RPIA: variants seen among roughly 807,000 people sequenced by gnomAD.
RPIA encodes the protein ribose-5-phosphate isomerase.
A neutral mutation model predicts 37.8 loss-of-function variants in RPIA; 29 were observed. The ratio of observed to expected loss-of-function variants is 0.77; its 90% CI spans 0.57 to 1.05. RPIA has a LOEUF of 1.05. RPIA is among the 50% of genes least tolerant of loss of function. RPIA has a pLI of 0.00. For missense variants in RPIA, 385 were observed against 413.6 expected (o/e 0.93, Z 0.60); for synonymous variants, 167 against 157.0 (o/e 1.06, Z -0.48).
intron 3 of RPIA, among the ~76,000 whole-genome samples, chr2:88,712,009 A>G (rs1233899551): frequency 1.3e-5 from 2 of 152,150 alleles, no homozygotes; most frequent in Non-Finnish European, 2.9e-5. Context: ...TTTAATGTTA[A>G]TGCTTGTCAG....
At chr2:88,746,305 A>G (rs1207228222) in intron 8 of RPIA, among the ~76,000 whole-genome samples, 1 of 152,164 alleles carries the variant, frequency 6.6e-6, no homozygotes, top group African/African-American at 2.4e-5. Context: ...CTGGAGAGCT[A>G]GTGTGATCTT....
At chr2:88,721,562 CACA>C (rs1673129295) in intron 3 of RPIA, among the ~76,000 whole-genome samples, 1 of 70,572 alleles carries the variant, frequency 1.4e-5, no homozygotes, top group Non-Finnish European at 2.9e-5. Flanking sequence ...CACACACACA[CACA>C]CACACACCCC....
chr2:88,713,631 C>T (rs1672992289), intron 3 of RPIA, among the ~76,000 whole-genome samples: 1 of 152,216 alleles, frequency 6.6e-6, no homozygotes, highest in South Asian at 2.1e-4. Context: ...GACAGCTCAT[C>T]ATGCGTATTC....
chr2:88,750,402 A>G lies in RPIA; in HGVS notation c.*324A>G. The G allele has an allele frequency of 2.4e-6, 1 of 418,980 alleles. No individual in the cohort carries two copies. Among genetic ancestry groups the G allele is most frequent in the Non-Finnish European group, 4.2e-6 (1 of 237,882 alleles). The allele number at this position is 418,980 out of a possible 1,614,324, so 26.0% of individuals were successfully genotyped here. ...AACTGTATTTAAAACCTTTGACTTG[A>G]GTCTGCTGGTAAAGCTTCTGAATAT... On this transcript the variant is annotated 3_prime_UTR_variant, in exon 9 of 9. Transcript: ENST00000283646.
At chr2:88,746,066 T>C (rs1673434345) in intron 8 of RPIA, among the ~76,000 whole-genome samples, 1 of 152,060 alleles carries the variant, frequency 6.6e-6, no homozygotes, top group African/African-American at 2.4e-5. Context: ...CTACTCGTTC[T>C]AATCTGTTGT....
At chr2:88,745,621 T>C (rs1410327090) in intron 8 of RPIA, among the ~76,000 whole-genome samples, 1 of 152,214 alleles carries the variant, frequency 6.6e-6, no homozygotes, top group East Asian at 1.9e-4. Context: ...CCCTTCTGGC[T>C]TGTAGGGCTT....
chr2:88,693,323 T>G (rs1676969049), intron 1 of RPIA, among the ~76,000 whole-genome samples: 1 of 152,224 alleles, frequency 6.6e-6, no homozygotes. Flanking sequence ...GACCTTAGGC[T>G]AGAGCCCCAA....
intron 8 of RPIA, among the ~76,000 whole-genome samples, chr2:88,746,104 C>A (rs1203957138): frequency 1.3e-5 from 2 of 152,078 alleles, no homozygotes; most frequent in Non-Finnish European, 2.9e-5. Flanking sequence ...TTTTGCATTT[C>A]TAAAATGTGT....
intron 1 of RPIA, 28 bp downstream of exon 1, chr2:88,692,011 G>T (rs1447174148): frequency 6.4e-7 from 1 of 1,560,636 alleles, no homozygotes; most frequent in Non-Finnish European, 8.7e-7. Flanking sequence ...TGGGGCGCGG[G>T]GCGCATGTCC....
At position 88,698,620 on chromosome 2, in the gene RPIA, G is replaced by C. The variant is rs1045538274; in HGVS notation, c.346+76G>C. 5 of 1,386,920 alleles carry C rather than the reference G, an allele frequency of 3.6e-6. No homozygotes were observed. In the African/African-American group the frequency reaches 7.1e-5, roughly 20 times the overall value. 85.9% of individuals were successfully genotyped at this position (1,386,920 alleles called of 1,614,324 possible). A position where few individuals can be genotyped will look rare whatever the true frequency, so the allele number is the denominator to read the frequency against. On this transcript the variant is annotated intron_variant, in intron 2 of 8. Transcript: ENST00000283646. ...GGAGGTAGAGGAGAGGGAGGAAGTGGCACACAGGTTTGGCATTGCCCTTTT... is the reference window on the plus strand; with the variant it reads ...GGAGGTAGAGGAGAGGGAGGAAGTGCCACACAGGTTTGGCATTGCCCTTTT...
chr2:88,716,836 GC>G (rs1404542956), intron 3 of RPIA, among the ~76,000 whole-genome samples: 3 of 152,130 alleles, frequency 2.0e-5, no homozygotes, highest in African/African-American at 7.2e-5. Flanking sequence ...CTGACAAAAG[GC>G]ATACAAATGT....
intron 3 of RPIA, among the ~76,000 whole-genome samples, chr2:88,707,717 G>A (rs867484520): frequency 1.3e-5 from 2 of 152,204 alleles, no homozygotes; most frequent in African/African-American, 4.8e-5. Context: ...GAGATGCTAT[G>A]GCAAGGCACA....
intron 3 of RPIA, among the ~76,000 whole-genome samples, chr2:88,701,907 G>T (rs527242004): frequency 2.6e-5 from 4 of 152,302 alleles, no homozygotes; most frequent in Admixed American, 1.3e-4. Flanking sequence ...TATTTGTAAT[G>T]TAGGAATATT....
chr2:88,727,158 A>G (rs1388684141), intron 3 of RPIA, among the ~76,000 whole-genome samples: 2 of 152,230 alleles, frequency 1.3e-5, no homozygotes, highest in Admixed American at 6.5e-5. Context: ...GCCAGTCTGC[A>G]GCCTTACCCC....
intron 3 of RPIA, among the ~76,000 whole-genome samples, chr2:88,709,549 C>T (rs1043494743): frequency 1.4e-4 from 22 of 152,124 alleles, no homozygotes; most frequent in Admixed American, 1.4e-3. Flanking sequence ...TTTCTGAGGT[C>T]CCTAGTGAGT....
intron 3 of RPIA, among the ~76,000 whole-genome samples, chr2:88,727,691 A>G (rs1673216134): frequency 1.3e-5 from 2 of 152,198 alleles, no homozygotes; most frequent in East Asian, 1.9e-4. Context: ...GGCTCCATCC[A>G]TGTTCCTGAA....
intron 2 of RPIA, 90 bp from the exon 3 acceptor site, chr2:88,699,919 C>G (rs770226115): frequency 5.0e-5 from 68 of 1,365,302 alleles, no homozygotes; most frequent in Admixed American, 2.0e-4. Context: ...ATAGACCTTC[C>G]CTTGTCTGTT....
At chr2:88,746,651 G>A (rs893069451) in intron 8 of RPIA, among the ~76,000 whole-genome samples, 10 of 152,202 alleles carry the variant, frequency 6.6e-5, no homozygotes, top group Admixed American at 6.5e-4. Flanking sequence ...CACCTGCTTC[G>A]GTGGAGGTGG....
chr2:88,742,053 TTTAA>T (rs1428313869), intron 8 of RPIA, among the ~76,000 whole-genome samples: 4 of 152,244 alleles, frequency 2.6e-5, no homozygotes, highest in African/African-American at 9.6e-5. Context: ...AGCTCTCTAT[TTTAA>T]TTAAGTTCCA....
Sources: gnomAD v4.1 joint callset for allele counts (sites outside exome capture counted in the v4.1 genomes callset) on GRCh38, gnomAD v4.1.1 for gene constraint, MANE v1.5 for transcripts, NCBI Gene and HGNC (gene_info 2026-07-23, HGNC 2026-07-21) for gene names.